The following MTUS2 variants were observed in gnomAD, a reference collection of about 807,000 sequenced individuals.
MTUS2 encodes the protein microtubule-associated tumor suppressor candidate 2.
Under a neutral mutation model 114.1 loss-of-function variants are expected in MTUS2, and 40 were observed. That is an observed-to-expected ratio of 0.35 (90% CI 0.27 to 0.46). The LOEUF is 0.46. Ranked by LOEUF, MTUS2 falls within the 20% of genes least tolerant of loss-of-function variation. MTUS2 has a pLI of 1.00. For synonymous variants in MTUS2, 688 were observed against 672.0 expected (o/e 1.02, Z -0.37); for missense variants, 1,679 against 1,705.4 (o/e 0.98, Z 0.27).
chr13:29,288,148 C>CT (rs1417062760), intron 6 of MTUS2, among the ~76,000 whole-genome samples: 3 of 152,160 alleles, frequency 2.0e-5, no homozygotes, highest in African/African-American at 7.2e-5. Flanking sequence ...CAGTAGACAG[C>CT]TGGAATAAGC....
chr13:29,101,019 C>G (rs374856692), intron 5 of MTUS2, 49 bp downstream of exon 5: 1 of 1,473,930 alleles, frequency 6.8e-7, no homozygotes, highest in African/African-American at 1.4e-5. Flanking sequence ...TTAAAACCGG[C>G]GCGCCTGTGT....
intron 2 of MTUS2, among the ~76,000 whole-genome samples, chr13:29,021,866 C>T (rs1281338768): frequency 6.6e-6 from 1 of 152,162 alleles, no homozygotes; most frequent in East Asian, 1.9e-4. Context: ...AGACTGTGAT[C>T]AGGGTATGAG....
chr13:29,199,825 G>A (rs988409147), intron 5 of MTUS2, among the ~76,000 whole-genome samples: 7 of 152,130 alleles, frequency 4.6e-5, no homozygotes, highest in Admixed American at 2.0e-4. Context: ...CCTGTCCTGG[G>A]CCTTTTATCT....
chr13:29,087,904 A>C (rs1252347695), intron 4 of MTUS2, among the ~76,000 whole-genome samples: 18 of 152,112 alleles, frequency 1.2e-4, no homozygotes, highest in South Asian at 2.1e-4. Context: ...TAAAAACACA[A>C]AAAAATTAGC....
At chr13:28,990,875 C>G (rs1884815819) in intron 2 of MTUS2, among the ~76,000 whole-genome samples, 1 of 151,998 alleles carries the variant, frequency 6.6e-6, no homozygotes, top group Non-Finnish European at 1.5e-5. Context: ...TCTGCGGCTT[C>G]ATTCCAGAAG....
rs531965416 is a variant in MTUS2 at position 29,131,708 on chromosome 13, C to T, written c.2644+30738C>T. 1.4e-4 allele frequency among the ~76,000 whole-genome samples: 22 copies of T among 152,386 alleles called. No homozygotes were observed. The South Asian group carries it at 4.6e-3, about 32-fold the overall frequency. Reference sequence around the variant, plus strand: ...AGCTAAAGAAGCCTGGCTTCCTGCTCACCTCCACTTGGCTTAGCCATCCCT... The same window carrying T: ...AGCTAAAGAAGCCTGGCTTCCTGCTTACCTCCACTTGGCTTAGCCATCCCT... On this transcript the variant is annotated intron_variant, in intron 5 of 15. Coordinates refer to ENST00000612955, the MANE Select transcript of MTUS2 (RefSeq NM_001033602.4).
At chr13:29,289,388 G>A (rs542371091) in intron 6 of MTUS2, among the ~76,000 whole-genome samples, 38 of 152,138 alleles carry the variant, frequency 2.5e-4, no homozygotes, top group African/African-American at 9.2e-4. Flanking sequence ...AAATGTGTGG[G>A]GATAATAGTT....
chr13:29,164,172 A>T (rs1893217427), intron 5 of MTUS2, among the ~76,000 whole-genome samples: 1 of 152,150 alleles, frequency 6.6e-6, no homozygotes, highest in Admixed American at 6.5e-5. Flanking sequence ...GATGACTAGA[A>T]AATAAAACAG....
intron 8 of MTUS2, among the ~76,000 whole-genome samples, chr13:29,363,095 C>T (rs1345982292): frequency 7.4e-6 from 1 of 135,128 alleles, no homozygotes; most frequent in African/African-American, 2.8e-5. Flanking sequence ...ATGAGTGTGA[C>T]TCTCAGGGAC....
intron 6 of MTUS2, chr13:29,307,770 G>C: frequency 9.6e-7 from 1 of 1,039,560 alleles, no homozygotes; most frequent in Non-Finnish European, 1.5e-6. Flanking sequence ...TGGCCCACAT[G>C]TCCTCCAAGG....
At chr13:29,195,081 T>G (rs1187195035) in intron 5 of MTUS2, among the ~76,000 whole-genome samples, 19 of 118,636 alleles carry the variant, frequency 1.6e-4, no homozygotes, top group Admixed American at 9.8e-4. Flanking sequence ...AACATCACAC[T>G]CGGGACTGTT....
At chr13:29,012,477 A>G (rs1305797029) in intron 2 of MTUS2, among the ~76,000 whole-genome samples, 2 of 152,150 alleles carry the variant, frequency 1.3e-5, no homozygotes, top group Admixed American at 1.3e-4. Context: ...TGTTGGGAAT[A>G]TTCATATAAG....
intron 2 of MTUS2, among the ~76,000 whole-genome samples, chr13:28,933,859 G>A (rs1363904764): frequency 6.6e-6 from 1 of 152,186 alleles, no homozygotes; most frequent in East Asian, 1.9e-4. Flanking sequence ...TTTCCTAGAT[G>A]AGAATAGCCA....
chr13:29,194,501 C>T (rs61945903), intron 5 of MTUS2, among the ~76,000 whole-genome samples: 10 of 151,956 alleles, frequency 6.6e-5, no homozygotes, highest in African/African-American at 2.2e-4. Context: ...AAAATGCTCA[C>T]CATCACTGGC....
At chr13:29,176,491 G>C (rs964986441) in intron 5 of MTUS2, among the ~76,000 whole-genome samples, 2 of 152,154 alleles carry the variant, frequency 1.3e-5, no homozygotes, top group African/African-American at 4.8e-5. Flanking sequence ...CACTTGGGCT[G>C]CTCAAACCTT....
intron 5 of MTUS2, among the ~76,000 whole-genome samples, chr13:29,182,142 CT>C (rs1231674235): frequency 1.3e-5 from 2 of 152,282 alleles, no homozygotes; most frequent in East Asian, 3.9e-4. Flanking sequence ...ATATCTATAG[CT>C]TGGAGTGGAC....
In MTUS2 at chr13:29,026,383, G is replaced by A. The variant is rs756230688; in HGVS notation, c.1685G>A (p.Gly562Asp). The change falls in exon 3 of 16, where the codon GGT becomes GAT. Residue 562 changes from glycine (G) to aspartate (D), a missense_variant. Gly to Asp is a moderately conservative substitution (Grantham distance 94). Coordinates refer to ENST00000612955, the MANE Select transcript of MTUS2 (RefSeq NM_001033602.4). ...SSSFQDVSVF[G>D]MDAGSPLVVP... The stretch of plus-strand genomic sequence containing the variant: ...AGTTTTCAGGATGTTAGCGTGTTCG[G>A]TATGGATGCGGGGTCCCCCTTGGTA... 4 of 1,613,904 alleles carry A rather than the reference G, an allele frequency of 2.5e-6. No individual in the cohort carries two copies. The South Asian group carries it at 3.3e-5, about 13-fold the overall frequency.
chr13:28,971,058 AGTAT>A (rs1258461209), intron 2 of MTUS2, among the ~76,000 whole-genome samples: 2 of 152,238 alleles, frequency 1.3e-5, no homozygotes, highest in Non-Finnish European at 2.9e-5. Flanking sequence ...CTCACAAATC[AGTAT>A]TATATGCTCT....
intron 4 of MTUS2, among the ~76,000 whole-genome samples, chr13:29,096,281 C>T (rs879807185): frequency 2.0e-5 from 3 of 152,296 alleles, no homozygotes; most frequent in South Asian, 2.1e-4. Flanking sequence ...CTGTCTCTCC[C>T]GGATCTGTGT....
Sources: gnomAD v4.1 joint callset for allele counts (sites outside exome capture counted in the v4.1 genomes callset) on GRCh38, gnomAD v4.1.1 for gene constraint, MANE v1.5 for transcripts, NCBI Gene and HGNC (gene_info 2026-07-23, HGNC 2026-07-21) for gene names.